Variants in UGT1A8 observed in about 807,000 individuals in gnomAD.
UGT1A8 encodes UDP glucuronosyltransferase family 1 member A8, also known as UDP-glucuronosyltransferase 1A8.
A neutral mutation model predicts 45.3 loss-of-function variants in UGT1A8; 39 were observed. The observed-to-expected ratio is 0.86, with a 90% CI of 0.67 to 1.12. The LOEUF is 1.12. Among genes scored for constraint, UGT1A8 ranks in the 50% most tolerant of loss-of-function variants. UGT1A8 has a pLI of 0.00. For synonymous variants in UGT1A8, 275 were observed against 249.2 expected, an observed-to-expected ratio of 1.10 and a Z score of -0.97; for missense variants, 719 against 664.9, an observed-to-expected ratio of 1.08 and a Z score of -0.90.
intron 1 of UGT1A8, among the ~76,000 whole-genome samples, chr2:233,736,165 G>A (rs533285485): frequency 1.2e-4 from 19 of 152,088 alleles, no homozygotes; most frequent in Non-Finnish European, 2.6e-4. Context: ...CGTAGATTTG[G>A]TCTTTCCACA....
Position 233,618,469 on chromosome 2 carries a change from A to G in UGT1A8, c.762A>G (p.Arg254=), listed in dbSNP as rs1457854048. The change falls in exon 1 of 5, where the codon CGA becomes CGG. Residue 254 remains arginine (R), a synonymous_variant. Transcript: ENST00000373450. ...LYSHTSIWLL[R]TDFVLDYPKP... ...GCCACACATCAATTTGGTTGTTGCG[A>G]ACAGACTTTGTTTTGGACTATCCCA... is the stretch of plus-strand genomic sequence containing the variant. The G allele has an allele frequency of 4.3e-6, 7 of 1,613,944 alleles. No homozygotes were observed. The highest frequency in any genetic ancestry group is 3.3e-4 in the Middle Eastern group (2 of 6,056).
chr2:233,648,065 C>A lies in UGT1A8; in HGVS notation c.855+29503C>A, dbSNP rs145242971. On this transcript the variant is annotated intron_variant, in intron 1 of 4. Transcript: ENST00000373450. ...TCACTGAATTGCACAGTGAAGACTT[C>A]TTCAACCTTATACACCCTGGAGGAT... The A allele has an allele frequency of 5.6e-3, 8,753 of 1,566,478 alleles. 290 individuals are homozygous for A. In the African/African-American group the frequency reaches 0.067, roughly 12 times the overall value.
chr2:233,646,846 C>T (rs548249740), intron 1 of UGT1A8, among the ~76,000 whole-genome samples: 2 of 152,354 alleles, frequency 1.3e-5, no homozygotes, highest in East Asian at 1.9e-4. Context: ...GTTCTAAAGT[C>T]CCTTCCACGT....
chr2:233,667,944 CT>C (rs1301836030), intron 1 of UGT1A8, among the ~76,000 whole-genome samples: 3 of 152,160 alleles, frequency 2.0e-5, no homozygotes, highest in African/African-American at 7.2e-5. Flanking sequence ...GGACTGTAAA[CT>C]TTTTATTTTA....
At chr2:233,700,606 T>G (rs189379558) in intron 1 of UGT1A8, among the ~76,000 whole-genome samples, 23 of 152,322 alleles carry the variant, frequency 1.5e-4, no homozygotes, top group Admixed American at 4.6e-4. Flanking sequence ...TTCACTCTTT[T>G]TTTGGGGGGG....
intron 1 of UGT1A8, among the ~76,000 whole-genome samples, chr2:233,731,608 A>C (rs2078181634): frequency 6.6e-6 from 1 of 152,230 alleles, no homozygotes. Context: ...TGCAAAGGAC[A>C]TGAACTCATC....
At chr2:233,748,654 C>T (rs1693998428) in intron 1 of UGT1A8, among the ~76,000 whole-genome samples, 1 of 151,632 alleles carries the variant, frequency 6.6e-6, no homozygotes, top group Admixed American at 6.6e-5. Flanking sequence ...ACACTGAGTT[C>T]AGTTTCCAGA....
Position 233,772,610 on chromosome 2 carries a change from C to A in UGT1A8, c.*51C>A. 6.3e-7 allele frequency: 1 copy of A among 1,580,500 alleles called. No individual in the cohort carries two copies. Among genetic ancestry groups the A allele is most frequent in the South Asian group, 1.1e-5 (1 of 87,222 alleles). On this transcript the variant is annotated 3_prime_UTR_variant, in exon 5 of 5. Transcript: ENST00000373450. ...TTTTGAACCATTCCCTAGTCATTTC[C>A]AAACTTGAAAACAGAATCAGTGTTA...
chr2:233,672,039 G>T (rs761460157), intron 1 of UGT1A8: 4 of 1,614,152 alleles, frequency 2.5e-6, no homozygotes, highest in Non-Finnish European at 2.5e-6. Context: ...CCATGGATGG[G>T]AGCCACTGGT....
chr2:233,683,467 A>G (rs2074635741), intron 1 of UGT1A8, among the ~76,000 whole-genome samples: 1 of 152,064 alleles, frequency 6.6e-6, no homozygotes, highest in Non-Finnish European at 1.5e-5. Flanking sequence ...TACATTATAT[A>G]TATTTTCATA....
intron 1 of UGT1A8, among the ~76,000 whole-genome samples, chr2:233,688,153 A>G (rs2074880098): frequency 2.0e-5 from 3 of 152,240 alleles, no homozygotes; most frequent in Non-Finnish European, 2.9e-5. Flanking sequence ...GGATTTGCCT[A>G]TTCTGGGCAT....
At chr2:233,673,715 C>T (rs2074264100) in intron 1 of UGT1A8, among the ~76,000 whole-genome samples, 1 of 152,100 alleles carries the variant, frequency 6.6e-6, no homozygotes. Context: ...CTATTGGGTA[C>T]AGGACAATTT....
chr2:233,623,637 A>G (rs534998441), intron 1 of UGT1A8, among the ~76,000 whole-genome samples: 1 of 152,294 alleles, frequency 6.6e-6, no homozygotes, highest in Non-Finnish European at 1.5e-5. Context: ...TTTTAATATT[A>G]TCTCATTTCC....
rs1699597581 is a variant in UGT1A8 at position 233,768,288 on chromosome 2, G to A, written c.1144G>A (p.Gly382Ser). 4 of 1,614,072 alleles carry A rather than the reference G, an allele frequency of 2.5e-6. No individual in the cohort carries two copies. Among genetic ancestry groups the A allele is most frequent in the Non-Finnish European group, 3.4e-6 (4 of 1,180,052 alleles). ...TGGTGTTTATGAAAGCATATGCAATGGCGTTCCCATGGTGATGATGCCCTT... is the reference window on the plus strand; with the variant it reads ...TGGTGTTTATGAAAGCATATGCAATAGCGTTCCCATGGTGATGATGCCCTT... ...SHGVYESICN[G>S]VPMVMMPLFG... The change falls in exon 4 of 5, where the codon GGC (glycine) becomes AGC (serine). Residue 382 changes from glycine to serine, a missense_variant. Physicochemically the swap from Gly to Ser is moderately conservative, Grantham distance 56. Transcript: ENST00000373450.
chr2:233,684,753 G>T (rs1333978676), intron 1 of UGT1A8, among the ~76,000 whole-genome samples: 1 of 152,046 alleles, frequency 6.6e-6, no homozygotes, highest in African/African-American at 2.4e-5. Context: ...TATCAAAGAA[G>T]AATTCAGATC....
At chr2:233,697,743 A>T (rs1322663266) in intron 1 of UGT1A8, among the ~76,000 whole-genome samples, 2 of 152,094 alleles carry the variant, frequency 1.3e-5, no homozygotes, top group African/African-American at 2.4e-5. Context: ...TGGTTTTGCT[A>T]TAGCCCATAG....
intron 1 of UGT1A8, among the ~76,000 whole-genome samples, chr2:233,622,867 A>G (rs1405885726): frequency 6.6e-6 from 1 of 152,136 alleles, no homozygotes; most frequent in Non-Finnish European, 1.5e-5. Context: ...TAGGTCTTAC[A>G]TTTAAATCTT....
Position 233,617,747 on chromosome 2 carries a change from G to A in UGT1A8, c.40G>A (p.Val14Ile), listed in dbSNP as rs1330749889. Residue 14 changes from valine (V) to isoleucine (I), a missense_variant, in exon 1 of 5, where the codon GTT (valine) becomes ATT (isoleucine). Val to Ile is a conservative substitution (Grantham distance 29, BLOSUM62 3). Transcript: ENST00000373450. ...GTGGACCAGCCCCATTCCCCTATGT[G>A]TTTCTCTGCTGCTGACCTGTGGCTT... Reference protein sequence around the residue: ...TGWTSPIPLCVSLLLTCGFAE... With the variant: ...TGWTSPIPLCISLLLTCGFAE... The A allele has an allele frequency of 1.2e-6, 2 of 1,614,090 alleles. No individual in the cohort carries two copies. The highest frequency in any genetic ancestry group is 1.7e-6 in the Non-Finnish European group (2 of 1,180,012).
At chr2:233,645,263 A>T (rs1226845253) in intron 1 of UGT1A8, among the ~76,000 whole-genome samples, 1 of 152,182 alleles carries the variant, frequency 6.6e-6, no homozygotes, top group Non-Finnish European at 1.5e-5. Context: ...TCCCACCAGG[A>T]TCCTCCCACA....
Sources: allele counts gnomAD v4.1 joint callset (sites outside exome capture counted in the v4.1 genomes callset), GRCh38; gene constraint gnomAD v4.1.1; transcripts MANE v1.5; gene names NCBI Gene and HGNC (gene_info 2026-07-23, HGNC 2026-07-21).